GNG5: variants seen among roughly 807,000 people sequenced by gnomAD.
GNG5 encodes the protein guanine nucleotide-binding protein G(I)/G(S)/G(O) subunit gamma-5.
In GNG5, 2 loss-of-function variants were observed where a neutral mutation model predicts 6.2. The ratio of observed to expected loss-of-function variants is 0.32; its 90% CI spans 0.13 to 1.01. GNG5 has a LOEUF of 1.01. GNG5 is among the 50% of genes least tolerant of loss of function. The probability of loss-of-function intolerance (pLI) is 0.48; values close to 1 mark genes in which losing one functional copy is unlikely to be tolerated. For synonymous variants in GNG5, 24 were observed against 33.0 expected (o/e 0.73, Z 0.93); for missense variants, 57 against 80.2 (o/e 0.71, Z 1.10).
intron 2 of GNG5, among the ~76,000 whole-genome samples, chr1:84,502,565 G>T (rs1682080614): frequency 1.3e-5 from 2 of 152,162 alleles, no homozygotes; most frequent in Admixed American, 6.5e-5. Context: ...TTTTTGCAAA[G>T]CGTAGCACAT....
intron 2 of GNG5, among the ~76,000 whole-genome samples, chr1:84,505,199 A>AC (rs1682150854): frequency 6.6e-6 from 1 of 152,248 alleles, no homozygotes; most frequent in Non-Finnish European, 1.5e-5. Context: ...ACAGCACTTG[A>AC]ATGTCAAGTT....
intron 2 of GNG5, among the ~76,000 whole-genome samples, chr1:84,503,379 A>G (rs188294499): frequency 6.6e-6 from 1 of 152,354 alleles, no homozygotes; most frequent in East Asian, 1.9e-4. Context: ...CTCCAACCTA[A>G]TAATTCTTCA....
At chr1:84,505,903 G>A (rs1682189952) in intron 2 of GNG5, 108 bp downstream of exon 2, 4 of 767,134 alleles carry the variant, frequency 5.2e-6, no homozygotes, top group Non-Finnish European at 7.4e-6. Context: ...GTCCTCTCCA[G>A]GGGAAGCGAG....
At chr1:84,502,106 T>C (rs1377923889) in intron 2 of GNG5, 136 bp from the exon 3 acceptor site, 2 of 545,012 alleles carry the variant, frequency 3.7e-6, no homozygotes, top group East Asian at 3.2e-5. Flanking sequence ...ATATAATAAT[T>C]GAAGACTTAA....
At chr1:84,504,419 T>C (rs1329346905) in intron 2 of GNG5, among the ~76,000 whole-genome samples, 1 of 152,216 alleles carries the variant, frequency 6.6e-6, no homozygotes, top group Non-Finnish European at 1.5e-5. Context: ...GGATCAGTTT[T>C]GGGGAATTAG....
At chr1:84,503,154 ATGAC>A (rs1424832843) in intron 2 of GNG5, among the ~76,000 whole-genome samples, 7 of 152,240 alleles carry the variant, frequency 4.6e-5, no homozygotes, top group Non-Finnish European at 8.8e-5. Flanking sequence ...TGGAACATGA[ATGAC>A]TAAAACATGC....
chr1:84,503,691 G>A (rs564419968), intron 2 of GNG5: 34 of 152,226 alleles, frequency 2.2e-4, no homozygotes, highest in African/African-American at 8.2e-4. Context: ...AATGTAACTC[G>A]CTTTCACAAT....
chr1:84,499,717 C>T (rs1174319889), intron 3 of GNG5, among the ~76,000 whole-genome samples: 1 of 152,176 alleles, frequency 6.6e-6, no homozygotes, highest in Non-Finnish European at 1.5e-5. Flanking sequence ...ACATGTTCTA[C>T]TGATTAACAG....
At chr1:84,505,304 A>G (rs1201377995) in intron 2 of GNG5, among the ~76,000 whole-genome samples, 1 of 152,192 alleles carries the variant, frequency 6.6e-6, no homozygotes, top group African/African-American at 2.4e-5. Context: ...ATAATTACCC[A>G]CAATAATCAT....
intron 3 of GNG5, among the ~76,000 whole-genome samples, chr1:84,501,408 C>T (rs1182763153): frequency 6.6e-6 from 1 of 152,304 alleles, no homozygotes; most frequent in East Asian, 1.9e-4. Flanking sequence ...TAATCCAAAT[C>T]AGTTGGTAGT....
chr1:84,506,182 G>A lies in GNG5; in HGVS notation c.-91C>T, dbSNP rs1166558199. On this transcript the variant is annotated 5_prime_UTR_variant, in exon 2 of 4. Coordinates refer to ENST00000370645, the MANE Select transcript of GNG5 (RefSeq NM_005274.3). ...GACAACTCAGCGGCGCGCGGCGGGG[G>A]CGGGGCTCCGAACTTTGTCTCTAAG... is the stretch of plus-strand genomic sequence containing the variant. The A allele has an allele frequency of 4.9e-6, 5 of 1,018,550 alleles. No homozygotes were observed. The highest frequency in any genetic ancestry group is 3.4e-5 in the African/African-American group (2 of 59,374). The allele number at this position is 1,018,550 out of a possible 1,614,324, so 63.1% of individuals were successfully genotyped here.
intron 3 of GNG5, 81 bp downstream of exon 3, chr1:84,501,744 TG>T (rs1682061082): frequency 1.2e-6 from 1 of 840,162 alleles, no homozygotes; most frequent in African/African-American, 1.7e-5. Flanking sequence ...GGGCATGGGA[TG>T]ATCTTTTAAG....
At chr1:84,502,909 G>A (rs1292720755) in intron 2 of GNG5, among the ~76,000 whole-genome samples, 1 of 152,234 alleles carries the variant, frequency 6.6e-6, no homozygotes, top group Non-Finnish European at 1.5e-5. Context: ...CTGCTAAGGT[G>A]ATGTAGGATA....
intron 2 of GNG5, 55 bp from the exon 3 acceptor site, chr1:84,502,025 G>T: frequency 7.2e-7 from 1 of 1,389,840 alleles, no homozygotes; most frequent in Non-Finnish European, 1.0e-6. Flanking sequence ...TTTTAATGAA[G>T]GTTTTCTCAA....
At chr1:84,503,341 C>G (rs1035394077) in intron 2 of GNG5, among the ~76,000 whole-genome samples, 1 of 152,186 alleles carries the variant, frequency 6.6e-6, no homozygotes, top group Admixed American at 6.5e-5. Context: ...CTCTCTATAC[C>G]AAGAACCCCT....
intron 3 of GNG5, among the ~76,000 whole-genome samples, chr1:84,501,282 C>A (rs566092403): frequency 6.6e-6 from 1 of 152,144 alleles, no homozygotes; most frequent in Non-Finnish European, 1.5e-5. Flanking sequence ...TCAGTCCAAA[C>A]GCCTCTACCA....
In GNG5 at chr1:84,506,019, G is replaced by A; in HGVS notation, c.73C>T (p.Arg25Cys). ...CGCCCGCCCCCGCTCACTTTTACGC[G>A]GTTGAGTCCGGCCTCCAGCCGGAGC... ...QQLRLEAGLN[R>C]VKVSQAAADL... The change falls in exon 2 of 4, where the codon CGC becomes TGC. Residue 25 changes from arginine (R) to cysteine (C), a missense_variant. Arg to Cys is a radical substitution (Grantham distance 180, BLOSUM62 -3). Transcript: ENST00000370645. 2 of 1,556,828 alleles carry A rather than the reference G, an allele frequency of 1.3e-6. No individual in the cohort carries two copies. Among genetic ancestry groups the A allele is most frequent in the Non-Finnish European group, 1.7e-6 (2 of 1,154,352 alleles).
At chr1:84,505,963 C>CCCGCCG (rs749498751) in intron 2 of GNG5, 48 bp downstream of exon 2, 2 of 1,359,568 alleles carry the variant, frequency 1.5e-6, no homozygotes, top group East Asian at 3.1e-5. Flanking sequence ...CCGGATCCCA[C>CCCGCCG]CCGCCGCCGC....
At chr1:84,504,997 C>T (rs1363119916) in intron 2 of GNG5, among the ~76,000 whole-genome samples, 1 of 152,200 alleles carries the variant, frequency 6.6e-6, no homozygotes, top group African/African-American at 2.4e-5. Flanking sequence ...CAAAACATTT[C>T]GGCAAGTAAT....
Sources: allele counts gnomAD v4.1 joint callset (sites outside exome capture counted in the v4.1 genomes callset), GRCh38; gene constraint gnomAD v4.1.1; transcripts MANE v1.5; gene names NCBI Gene and HGNC (gene_info 2026-07-23, HGNC 2026-07-21).